The following SLC9A8 variants were observed in gnomAD, a reference collection of about 807,000 sequenced individuals.
SLC9A8 encodes the protein solute carrier family 9 member A8.
In SLC9A8, 48 loss-of-function variants were observed where a neutral mutation model predicts 66.6. The ratio of observed to expected loss-of-function variants is 0.72; its 90% CI spans 0.57 to 0.92. The LOEUF (loss-of-function observed/expected upper bound fraction) is 0.92, where lower values mean the gene tolerates loss of function less well. SLC9A8 is among the 40% of genes least tolerant of loss of function. The pLI is 0.00. For synonymous variants in SLC9A8, 274 were observed against 282.6 expected, an observed-to-expected ratio of 0.97 and a Z score of 0.31; for missense variants, 599 against 747.3, an observed-to-expected ratio of 0.80 and a Z score of 2.31.
rs71335517 is a variant in SLC9A8, at chr20:49,834,139, G to GTCTCTC, written c.290-5360_290-5355dup. On this transcript the variant is annotated intron_variant, in intron 3 of 15. Transcript: ENST00000361573. The stretch of plus-strand genomic sequence containing the variant: ...TGGTGCACGCTTGTAATATTAGCTT[G>GTCTCTC]TCTCTCTCTCTCTCTCTCTCTCTCT... Among the ~76,000 whole-genome samples, 293 of 65,358 alleles carry GTCTCTC rather than the reference G, an allele frequency of 4.5e-3. 1 individual carries two copies. The highest frequency in any genetic ancestry group is 7.8e-3 in the African/African-American group (102 of 13,040). 42.9% of individuals were successfully genotyped at this position (65,358 alleles called of 152,430 possible).
chr20:49,837,228 T>TA (rs1228984812), intron 3 of SLC9A8, among the ~76,000 whole-genome samples: 1 of 152,234 alleles, frequency 6.6e-6, no homozygotes, highest in Non-Finnish European at 1.5e-5. Context: ...ATGTACATCT[T>TA]ACATTGTTGA....
intron 8 of SLC9A8, among the ~76,000 whole-genome samples, chr20:49,860,495 T>C (rs1170528780): frequency 6.6e-6 from 1 of 152,032 alleles, no homozygotes; most frequent in Non-Finnish European, 1.5e-5. Flanking sequence ...GGCAGGTGGA[T>C]CACTTGAGGG....
intron 3 of SLC9A8, among the ~76,000 whole-genome samples, chr20:49,826,864 G>C (rs889140017): frequency 2.0e-5 from 3 of 151,988 alleles, no homozygotes; most frequent in Non-Finnish European, 4.4e-5. Context: ...GTATGTATTA[G>C]ATGCCTTTGT....
At chr20:49,827,278 C>G (rs1339040699) in intron 3 of SLC9A8, among the ~76,000 whole-genome samples, 1 of 150,276 alleles carries the variant, frequency 6.7e-6, no homozygotes, top group Non-Finnish European at 1.5e-5. Flanking sequence ...AATGCTGATT[C>G]ATGTATATAT....
At chr20:49,834,183 C>CTA (rs1354363889) in intron 3 of SLC9A8, among the ~76,000 whole-genome samples, 101 of 36,976 alleles carry the variant, frequency 2.7e-3, no homozygotes, top group South Asian at 4.2e-3. Context: ...CTCTCTCTCT[C>CTA]TCTATATATA....
Position 49,815,088 on chromosome 20 carries a change from C to A in SLC9A8, c.107C>A (p.Pro36Gln), listed in dbSNP as rs908605614. 1.2e-5 allele frequency: 20 copies of A among 1,608,674 alleles called. No individual in the cohort carries two copies. The highest frequency in any genetic ancestry group is 1.7e-5 in the Non-Finnish European group (20 of 1,177,782). Reference protein sequence around the residue: ...TLVVTTKLVLPTPGKPILPVQ... With the variant: ...TLVVTTKLVLQTPGKPILPVQ... The stretch of plus-strand genomic sequence containing the variant: ...GTTGTCACGACGAAACTGGTGCTCC[C>A]GACCCCTGGCAAGCCCATCCTCCCC... The change falls in exon 2 of 16, where the codon CCG (proline) becomes CAG (glutamine). Residue 36 changes from proline to glutamine, a missense_variant. This residue lies in a region of SLC9A8 where 132 missense variants were observed against 120.9 expected (regional missense o/e 1.09). Transcript: ENST00000361573.
intron 8 of SLC9A8, among the ~76,000 whole-genome samples, chr20:49,860,039 A>C (rs568593826): frequency 2.0e-5 from 3 of 152,306 alleles, no homozygotes; most frequent in African/African-American, 7.2e-5. Context: ...TACTCTGTAT[A>C]AAAAGCAGTG....
chr20:49,821,169 C>T (rs953751618), intron 2 of SLC9A8, among the ~76,000 whole-genome samples: 1 of 152,078 alleles, frequency 6.6e-6, no homozygotes, highest in Non-Finnish European at 1.5e-5. Flanking sequence ...TTAATAGTTT[C>T]CCCTTTTGCT....
intron 12 of SLC9A8, 150 bp downstream of exon 12, chr20:49,878,213 A>G (rs1252050549): frequency 1.9e-5 from 9 of 486,384 alleles, no homozygotes; most frequent in Non-Finnish European, 2.8e-5. Flanking sequence ...GTTAAAAAAA[A>G]AAAATCACAA....
chr20:49,843,795 C>T (rs1340903040), intron 4 of SLC9A8, among the ~76,000 whole-genome samples: 2 of 152,168 alleles, frequency 1.3e-5, no homozygotes, highest in African/African-American at 2.4e-5. Flanking sequence ...CCCCAAACCT[C>T]ATGCTGAAAT....
Position 49,874,782 on chromosome 20 carries a change from C to G in SLC9A8, c.1036C>G (p.Leu346Val), listed in dbSNP as rs538997508. 4 of 1,613,992 alleles carry G rather than the reference C, an allele frequency of 2.5e-6. No homozygotes were observed. The highest frequency in any genetic ancestry group is 1.3e-5 in the African/African-American group (1 of 75,050). Residue 346 changes from leucine to valine, a missense_variant, in exon 11 of 16, where the codon CTC becomes GTC. Leu to Val is a conservative substitution (Grantham distance 32, BLOSUM62 1). Around this residue, in one of 2 missense-constraint regions of SLC9A8, gnomAD observed 467 missense variants for 626.5 expected, o/e 0.75. Transcript: ENST00000361573. ...TAACCTCTCCCCAGTCACCCAGATC[C>G]TCATGCAGCAGACCCTCCGCACCGT... ...HHNLSPVTQI[L>V]MQQTLRTVAF...
chr20:49,885,362 A>G (rs996861822), intron 14 of SLC9A8, among the ~76,000 whole-genome samples: 8 of 152,136 alleles, frequency 5.3e-5, no homozygotes, highest in African/African-American at 1.2e-4. Context: ...GTCTCACTCT[A>G]TTGCACAGGC....
Position 49,886,960 on chromosome 20 carries a change from G to A in SLC9A8, c.1638+62G>A, listed in dbSNP as rs139495313. The A allele has an allele frequency of 3.2e-5, 49 of 1,537,714 alleles. No individual in the cohort carries two copies. Among genetic ancestry groups the A allele is most frequent in the Middle Eastern group, 3.5e-4 (2 of 5,752 alleles). ...CTTGCCTGCCTCCTTCAGGACCTGC[G>A]GTGGCCCAGGGTGGGGTGGAGGAAG... On this transcript the variant is annotated intron_variant, in intron 15 of 15. Transcript: ENST00000361573. This position sits in a 1 kb window ranked among gnomAD's most constrained non-coding sequence, Gnocchi z 4.8.
chr20:49,828,333 C>T (rs2869933), intron 3 of SLC9A8, among the ~76,000 whole-genome samples: 22,494 of 151,390 alleles, frequency 0.15, 3,019 homozygotes, highest in African/African-American at 0.36. Context: ...CCGCCTGCCT[C>T]GGCCTCCCAA....
rs552353351 is a variant in SLC9A8 at position 49,820,281 on chromosome 20, G to A, written c.209-2780G>A. On this transcript the variant is annotated intron_variant, in intron 2 of 15. Coordinates refer to ENST00000361573, the MANE Select transcript of SLC9A8 (RefSeq NM_015266.3). ...AGGCGGGAAGATCACTTGAGGCCAG[G>A]AGTTCGAGACCAGCCTGGCAATATG... 2.0e-4 allele frequency among the ~76,000 whole-genome samples: 30 copies of A among 152,096 alleles called. 1 individual carries two copies. The highest frequency in any genetic ancestry group is 7.2e-4 in the African/African-American group (30 of 41,490).
chr20:49,862,214 C>G (rs1456408692), intron 8 of SLC9A8, among the ~76,000 whole-genome samples: 2 of 152,114 alleles, frequency 1.3e-5, no homozygotes, highest in South Asian at 2.1e-4. Flanking sequence ...ATTTCTTCAC[C>G]TGGGCAAGTC....
At chr20:49,856,018 C>G (rs755842315) in intron 8 of SLC9A8, among the ~76,000 whole-genome samples, 1 of 152,012 alleles carries the variant, frequency 6.6e-6, no homozygotes, top group African/African-American at 2.4e-5. Flanking sequence ...GTCTTGAACC[C>G]CTGGGCTCAA....
intron 13 of SLC9A8, among the ~76,000 whole-genome samples, chr20:49,882,827 A>G (rs937725629): frequency 6.6e-6 from 1 of 152,124 alleles, no homozygotes; most frequent in African/African-American, 2.4e-5. Flanking sequence ...AGGTTTAGAG[A>G]GGCTGAGAGT....
chr20:49,828,336 C>T (rs2087005637), intron 3 of SLC9A8, among the ~76,000 whole-genome samples: 1 of 151,648 alleles, frequency 6.6e-6, no homozygotes, highest in Non-Finnish European at 1.5e-5. Flanking sequence ...CCTGCCTCGG[C>T]CTCCCAAAAT....
Sources: gnomAD v4.1 joint callset for allele counts (sites outside exome capture counted in the v4.1 genomes callset) on GRCh38, gnomAD v4.1.1 for gene constraint, gnomAD v4.1.1 regional missense constraint, Gnocchi (gnomAD v3.1) non-coding constraint, MANE v1.5 for transcripts, NCBI Gene and HGNC (gene_info 2026-07-23, HGNC 2026-07-21) for gene names.